Variants in VPS54 observed in about 807,000 individuals in gnomAD.
The protein encoded by VPS54 is vacuolar protein sorting-associated protein 54.
A neutral mutation model predicts 121.5 loss-of-function variants in VPS54; 45 were observed. The ratio of observed to expected loss-of-function variants is 0.37; its 90% CI spans 0.29 to 0.47. VPS54 has a LOEUF of 0.47. Ranked by LOEUF, VPS54 falls within the 20% of genes least tolerant of loss-of-function variation. The probability of loss-of-function intolerance (pLI) is 0.99; values close to 1 mark genes in which losing one functional copy is unlikely to be tolerated. For missense variants in VPS54, 1,090 were observed against 1,131.4 expected, an observed-to-expected ratio of 0.96 and a Z score of 0.52; for synonymous variants, 371 against 385.8, an observed-to-expected ratio of 0.96 and a Z score of 0.45.
chr2:63,979,108 T>A (rs1174329356), intron 3 of VPS54, among the ~76,000 whole-genome samples: 1 of 151,560 alleles, frequency 6.6e-6, no homozygotes, highest in Admixed American at 6.6e-5. Flanking sequence ...TTTTATCTTC[T>A]CTTTTTTTCC....
chr2:63,985,330 C>A (rs1435061617), intron 1 of VPS54, among the ~76,000 whole-genome samples: 1 of 151,866 alleles, frequency 6.6e-6, no homozygotes, highest in Non-Finnish European at 1.5e-5. Context: ...AACAAACAAA[C>A]AATAAATAAA....
At chr2:63,937,217 C>T (rs932487068) in intron 11 of VPS54, among the ~76,000 whole-genome samples, 1 of 151,856 alleles carries the variant, frequency 6.6e-6, no homozygotes, top group Admixed American at 6.6e-5. Flanking sequence ...AGGCAACCTG[C>T]GGAATGGGAG....
In VPS54 at chr2:63,983,938, T is replaced by C. The variant is rs1463660385; in HGVS notation, c.62A>G (p.Lys21Arg). The change falls in exon 2 of 23, where the codon AAA (lysine) becomes AGA (arginine). Residue 21 changes from lysine to arginine, a missense_variant. Physicochemically the swap from Lys to Arg is conservative, Grantham distance 26. Coordinates refer to ENST00000272322, the MANE Select transcript of VPS54 (RefSeq NM_016516.3). Reference protein sequence around the residue: ...PQGSSSDVFFKIEVDPSKHIR... With the variant: ...PQGSSSDVFFRIEVDPSKHIR... The stretch of plus-strand genomic sequence containing the variant: ...GTGTTTTGACGGATCTACCTCTATT[T>C]TAAAGAAAACATCACTGCTGCTTCC... The C allele has an allele frequency of 3.1e-6, 5 of 1,613,920 alleles. No individual in the cohort carries two copies. The South Asian group carries it at 5.5e-5, about 18-fold the overall frequency.
At position 63,893,432 on chromosome 2, in the gene VPS54, ACCT is replaced by A; in HGVS notation, c.2929_2931del (p.Arg977del). ...CTACCCAGTTTTCCAGGATGACATC[ACCT>A]CTTCTGCTCCCAAATTTCGGCCATA... On this transcript the variant is annotated inframe_deletion, in exon 23 of 23. Transcript: ENST00000272322. 1 of 1,613,244 alleles carries A rather than the reference ACCT, an allele frequency of 6.2e-7. No individual in the cohort carries two copies. The highest frequency in any genetic ancestry group is 1.3e-5 in the African/African-American group (1 of 74,986).
chr2:63,987,613 G>A (rs1010595880), intron 1 of VPS54, among the ~76,000 whole-genome samples: 3 of 152,074 alleles, frequency 2.0e-5, no homozygotes, highest in African/African-American at 7.2e-5. Context: ...AGATTGCTTT[G>A]GTTAGTATGG....
At chr2:63,950,290 G>T (rs1398320563) in intron 7 of VPS54, among the ~76,000 whole-genome samples, 1 of 152,066 alleles carries the variant, frequency 6.6e-6, no homozygotes, top group Non-Finnish European at 1.5e-5. Flanking sequence ...ATGTTCTATC[G>T]GGGTTCTCTT....
chr2:63,930,053 GAC>G (rs1286851500), intron 12 of VPS54, among the ~76,000 whole-genome samples: 2 of 152,152 alleles, frequency 1.3e-5, no homozygotes, highest in Non-Finnish European at 2.9e-5. Flanking sequence ...TTCAGGACCA[GAC>G]AGATTCACAG....
chr2:63,981,070 T>A (rs1676781294), intron 3 of VPS54, among the ~76,000 whole-genome samples: 1 of 152,054 alleles, frequency 6.6e-6, no homozygotes, highest in Non-Finnish European at 1.5e-5. Flanking sequence ...AAGGAATGGT[T>A]ATAAAAATAT....
intron 22 of VPS54, 134 bp downstream of exon 22, chr2:63,897,362 A>T: frequency 1.6e-6 from 1 of 615,394 alleles, no homozygotes; most frequent in Non-Finnish European, 2.7e-6. Flanking sequence ...GAAAAAAAAA[A>T]CACAAAAGCT....
At chr2:64,003,155 G>GA (rs1246328368) in intron 1 of VPS54, among the ~76,000 whole-genome samples, 4 of 151,612 alleles carry the variant, frequency 2.6e-5, no homozygotes, top group South Asian at 2.1e-4. Context: ...TGTCTACTCA[G>GA]AAAAAAAATC....
intron 12 of VPS54, among the ~76,000 whole-genome samples, chr2:63,924,828 C>T (rs1673821543): frequency 6.6e-6 from 1 of 152,042 alleles, no homozygotes; most frequent in African/African-American, 2.4e-5. Flanking sequence ...GGAAAGACAG[C>T]CTTTTCAATA....
At position 63,893,333 on chromosome 2, in the gene VPS54, G is replaced by C. The variant is rs1466995684; in HGVS notation, c.*97C>G. On this transcript the variant is annotated 3_prime_UTR_variant, in exon 23 of 23. Coordinates refer to ENST00000272322, the MANE Select transcript of VPS54 (RefSeq NM_016516.3). ...CCTTCCCCCACCCCAGTTCACTTTGGGTTTCAGGTTCAATTCTCGAATCAC... is the reference window on the plus strand; with the variant it reads ...CCTTCCCCCACCCCAGTTCACTTTGCGTTTCAGGTTCAATTCTCGAATCAC... 9.4e-7 allele frequency: 1 copy of C among 1,059,244 alleles called. No homozygotes were observed. The highest frequency in any genetic ancestry group is 1.7e-5 in the Admixed American group (1 of 59,312). The allele number at this position is 1,059,244 out of a possible 1,614,324, so 65.6% of individuals were successfully genotyped here. A position where few individuals can be genotyped will look rare whatever the true frequency, so the allele number is the denominator to read the frequency against.
chr2:63,928,853 AG>A (rs1195353634), intron 12 of VPS54, among the ~76,000 whole-genome samples: 1 of 150,912 alleles, frequency 6.6e-6, no homozygotes, highest in African/African-American at 2.4e-5. Flanking sequence ...AAAAAAAAAA[AG>A]CAGGGGTTGC....
intron 20 of VPS54, among the ~76,000 whole-genome samples, chr2:63,911,917 G>A (rs538273845): frequency 2.0e-5 from 3 of 152,274 alleles, no homozygotes; most frequent in East Asian, 3.9e-4. Context: ...GTATAACTGC[G>A]AATTCTTTGG....
chr2:63,937,928 CT>C (rs1674524764), intron 11 of VPS54, among the ~76,000 whole-genome samples: 1 of 152,134 alleles, frequency 6.6e-6, no homozygotes, highest in South Asian at 2.1e-4. Flanking sequence ...TATGATTCCA[CT>C]TATATGAAAT....
intron 22 of VPS54, among the ~76,000 whole-genome samples, chr2:63,894,806 G>A (rs1207926788): frequency 6.6e-6 from 1 of 151,542 alleles, no homozygotes; most frequent in Non-Finnish European, 1.5e-5. Flanking sequence ...CTAGTAGAAA[G>A]CAAGCTGCAT....
At chr2:63,928,871 G>C (rs1340632561) in intron 12 of VPS54, among the ~76,000 whole-genome samples, 1 of 149,652 alleles carries the variant, frequency 6.7e-6, no homozygotes, top group African/African-American at 2.5e-5. Flanking sequence ...TTGCAATCTT[G>C]GTCTCTGACG....
chr2:64,001,116 C>A (rs1398350078), intron 1 of VPS54, among the ~76,000 whole-genome samples: 1 of 152,230 alleles, frequency 6.6e-6, no homozygotes, highest in Non-Finnish European at 1.5e-5. Flanking sequence ...ACTTCTCTCT[C>A]CCCTTTCCAC....
chr2:63,923,258 G>C (rs570419777), intron 12 of VPS54, among the ~76,000 whole-genome samples: 80 of 152,000 alleles, frequency 5.3e-4, no homozygotes, highest in Non-Finnish European at 6.6e-4. Context: ...AGAGCTTGCA[G>C]TGAGCCGAGA....
Sources: gnomAD v4.1 joint callset for allele counts (sites outside exome capture counted in the v4.1 genomes callset) on GRCh38, gnomAD v4.1.1 for gene constraint, MANE v1.5 for transcripts, NCBI Gene and HGNC (gene_info 2026-07-23, HGNC 2026-07-21) for gene names.